The following NOSTRIN variants were observed in gnomAD, a reference collection of about 807,000 sequenced individuals.
NOSTRIN encodes BM247 homolog.
A neutral mutation model predicts 59.0 loss-of-function variants in NOSTRIN; 63 were observed. The observed-to-expected ratio is 1.07, with a 90% confidence interval of 0.87 to 1.32. The LOEUF (loss-of-function observed/expected upper bound fraction) is 1.32. NOSTRIN is among the 40% of genes most tolerant of loss of function. NOSTRIN has a pLI of 0.00. For missense variants in NOSTRIN, 512 were observed against 473.1 expected, an observed-to-expected ratio of 1.08 and a Z score of -0.76; for synonymous variants, 200 against 165.4, an observed-to-expected ratio of 1.21 and a Z score of -1.61.
In NOSTRIN at chr2:168,864,878, T is replaced by G. The variant is rs1171134148; in HGVS notation, c.1429T>G (p.Phe477Val). Residue 477 changes from phenylalanine to valine, a missense_variant, in exon 16 of 16, where the codon TTT (phenylalanine) becomes GTT (valine). Transcript: ENST00000317647. Reference protein sequence around the residue: ...IHEKKEGGWWFGSLNGKKGHF... With the variant: ...IHEKKEGGWWVGSLNGKKGHF... The stretch of plus-strand genomic sequence containing the variant: ...CGAGAAAAAAGAAGGAGGATGGTGG[T>G]TTGGATCTTTGAATGGGAAAAAAGG... 1 of 1,613,996 alleles carries G rather than the reference T, an allele frequency of 6.2e-7. No individual in the cohort carries two copies. The highest frequency in any genetic ancestry group is 1.7e-5 in the Admixed American group (1 of 60,012).
intron 11 of NOSTRIN, 79 bp from the exon 12 acceptor site, chr2:168,856,611 C>A (rs144199968): frequency 6.8e-5 from 88 of 1,291,200 alleles, no homozygotes; most frequent in Admixed American, 2.2e-4. Flanking sequence ...TTCTAGGCTC[C>A]CTTTGAGAGC....
chr2:168,797,771 A>C (rs1685525088), upstream of NOSTRIN, among the ~76,000 whole-genome samples: 1 of 151,894 alleles, frequency 6.6e-6, no homozygotes, highest in African/African-American at 2.4e-5. Flanking sequence ...GGAGTTCAGG[A>C]GTTTGAGACA....
At chr2:168,863,669 TGTGA>T (rs35922879) in intron 15 of NOSTRIN, 830,085 of 983,124 alleles carry the variant, frequency 0.84, 351,291 homozygotes, top group African/African-American at 0.97. Flanking sequence ...TGTGCAAAGC[TGTGA>T]GTGAGTTAAA....
chr2:168,856,421 G>A (rs1225388837), intron 11 of NOSTRIN: 12 of 385,686 alleles, frequency 3.1e-5, no homozygotes, highest in South Asian at 1.4e-4. Flanking sequence ...CTAAAAATAC[G>A]AAAATTAGCC....
At chr2:168,801,966 A>G (rs899858130), upstream of NOSTRIN, among the ~76,000 whole-genome samples, 4 of 152,072 alleles carry the variant, frequency 2.6e-5, no homozygotes, top group African/African-American at 9.7e-5. Flanking sequence ...TTTGCTCCTG[A>G]TAGCTGTTTC....
chr2:168,840,978 T>C (rs1167144057), intron 7 of NOSTRIN, among the ~76,000 whole-genome samples: 1 of 151,988 alleles, frequency 6.6e-6, no homozygotes, highest in Admixed American at 6.6e-5. Context: ...ATCGGCTGGG[T>C]GCGATGGCCC....
Position 168,828,162 on chromosome 2 carries a change from G to C in NOSTRIN, c.202G>C (p.Val68Leu), listed in dbSNP as rs1687156417. Residue 68 changes from valine (V) to leucine (L), a missense_variant, in exon 4 of 16, where the codon GTT becomes CTT. Coordinates refer to ENST00000317647, the MANE Select transcript of NOSTRIN (RefSeq NM_001039724.4). ...KALQNTRKSCVSSAWAWASEG... is the reference protein window; with the variant it reads ...KALQNTRKSCLSSAWAWASEG... ...CCCACTTTTTTTTGCCTTTAGTTGT[G>C]TTAGCAGTGCCTGGGCCTGGGCCTC... The C allele has an allele frequency of 1.1e-6, 1 of 872,860 alleles. No homozygotes were observed. Among genetic ancestry groups the C allele is most frequent in the Non-Finnish European group, 2.0e-6 (1 of 501,652 alleles). 54.1% of individuals were successfully genotyped at this position (872,860 alleles called of 1,614,324 possible).
intron 8 of NOSTRIN, among the ~76,000 whole-genome samples, chr2:168,845,692 C>T (rs1688372645): frequency 6.6e-6 from 1 of 152,092 alleles, no homozygotes; most frequent in African/African-American, 2.4e-5. Flanking sequence ...TTACAGTCTT[C>T]CTGATGGTAA....
intron 10 of NOSTRIN, among the ~76,000 whole-genome samples, chr2:168,854,930 T>A (rs1688990523): frequency 6.6e-6 from 1 of 152,168 alleles, no homozygotes. Flanking sequence ...CAGAACTCAG[T>A]CAAAATGTCT....
chr2:168,824,908 G>A lies in NOSTRIN; in HGVS notation c.197+191G>A, dbSNP rs189791566. On this transcript the variant is annotated intron_variant, in intron 3 of 15. Coordinates refer to ENST00000317647, the MANE Select transcript of NOSTRIN (RefSeq NM_001039724.4). ...CCTCCCACCCAGCCTCCCATATAGA[G>A]TAGCTGGGACCATGCCCTAAATTTG... is the stretch of plus-strand genomic sequence containing the variant. 6.6e-5 allele frequency among the ~76,000 whole-genome samples: 10 copies of A among 151,996 alleles called. No homozygotes were observed. The East Asian group carries it at 1.6e-3, about 24-fold the overall frequency.
intron 7 of NOSTRIN, among the ~76,000 whole-genome samples, chr2:168,840,420 C>T (rs1262718617): frequency 6.7e-6 from 1 of 150,360 alleles, no homozygotes; most frequent in African/African-American, 2.4e-5. Flanking sequence ...GTCCCAGCTA[C>T]TCAGGAGGCT....
intron 3 of NOSTRIN, among the ~76,000 whole-genome samples, chr2:168,826,169 AG>A (rs1687051609): frequency 6.6e-6 from 1 of 152,176 alleles, no homozygotes; most frequent in Admixed American, 6.5e-5. Context: ...AGGGAACGAA[AG>A]CTCTGTGAAT....
At chr2:168,819,791 A>G (rs1416566896) in intron 2 of NOSTRIN, among the ~76,000 whole-genome samples, 2 of 152,146 alleles carry the variant, frequency 1.3e-5, no homozygotes, top group Non-Finnish European at 2.9e-5. Flanking sequence ...GAAAGGGTAC[A>G]ATCGTGCTGT....
At chr2:168,839,695 CCT>C (rs1687947148) in intron 7 of NOSTRIN, among the ~76,000 whole-genome samples, 1 of 151,640 alleles carries the variant, frequency 6.6e-6, no homozygotes, top group Non-Finnish European at 1.5e-5. Flanking sequence ...GGGCAGATTA[CCT>C]GAGGTCAGGA....
chr2:168,850,743 T>C, intron 8 of NOSTRIN: 1 of 691,136 alleles, frequency 1.4e-6, no homozygotes, highest in Non-Finnish European at 2.4e-6. Flanking sequence ...TGAAACCCCA[T>C]CTCTACTGAA....
intron 15 of NOSTRIN, chr2:168,863,668 CT>C: frequency 4.6e-6 from 4 of 867,232 alleles, no homozygotes; most frequent in Non-Finnish European, 5.1e-6. Flanking sequence ...CTGTGCAAAG[CT>C]GTGAGTGAGT....
intron 11 of NOSTRIN, 86 bp from the exon 12 acceptor site, chr2:168,856,604 T>C: frequency 2.5e-6 from 3 of 1,199,240 alleles, no homozygotes; most frequent in East Asian, 4.7e-5. Flanking sequence ...GTATCACTTC[T>C]AGGCTCCCTT....
chr2:168,802,481 A>AGTCCCGAGATCT (rs749916041), upstream of NOSTRIN: 119 of 618,450 alleles, frequency 1.9e-4, 1 homozygote, highest in Non-Finnish European at 6.0e-5. Flanking sequence ...CGGGACACAA[A>AGTCCCGAGATCT]CGGGATGAAA....
chr2:168,827,713 G>C (rs189966666), intron 3 of NOSTRIN, among the ~76,000 whole-genome samples: 1 of 151,820 alleles, frequency 6.6e-6, no homozygotes, highest in Non-Finnish European at 1.5e-5. Flanking sequence ...GACTATGGGC[G>C]TGCATCACCA....
Sources: gnomAD v4.1 joint callset for allele counts (sites outside exome capture counted in the v4.1 genomes callset) on GRCh38, gnomAD v4.1.1 for gene constraint, MANE v1.5 for transcripts, NCBI Gene and HGNC (gene_info 2026-07-23, HGNC 2026-07-21) for gene names.